GPATCH8: variants seen among roughly 807,000 people sequenced by gnomAD.
GPATCH8 encodes G patch domain-containing protein 8.
GPATCH8 carries 18 observed loss-of-function variants against 118.3 expected under a neutral mutation model. That is an observed-to-expected ratio of 0.15 (90% CI 0.11 to 0.23). The LOEUF (loss-of-function observed/expected upper bound fraction) is 0.23. Ranked by LOEUF, GPATCH8 falls within the 10% of genes least tolerant of loss-of-function variation. GPATCH8 has a pLI of 1.00. For synonymous variants in GPATCH8, 659 were observed against 684.7 expected (o/e 0.96, Z 0.59); for missense variants, 1,631 against 1,873.8 (o/e 0.87, Z 2.39).
chr17:44,427,510 T>C (rs146730553), intron 5 of GPATCH8, among the ~76,000 whole-genome samples: 6 of 152,222 alleles, frequency 3.9e-5, no homozygotes, highest in African/African-American at 1.4e-4. Context: ...AGTATATACA[T>C]ATAACTGTAA....
intron 1 of GPATCH8, among the ~76,000 whole-genome samples, chr17:44,499,114 G>A (rs190223256): frequency 2.0e-5 from 3 of 152,246 alleles, no homozygotes; most frequent in Admixed American, 2.0e-4. Flanking sequence ...AGCATGTCTT[G>A]TTTCTCTTAT....
intron 2 of GPATCH8, among the ~76,000 whole-genome samples, chr17:44,468,373 CTTTTTTTT>C (rs869068538): frequency 8.0e-5 from 8 of 100,010 alleles, no homozygotes; most frequent in African/African-American, 2.2e-4. Flanking sequence ...TTCTTTGTTC[CTTTTTTTT>C]TTTTTTTTTT....
At chr17:44,429,887 G>T (rs1203223192) in intron 5 of GPATCH8, among the ~76,000 whole-genome samples, 1 of 143,962 alleles carries the variant, frequency 6.9e-6, no homozygotes, top group Non-Finnish European at 1.5e-5. Context: ...AAATTAGCTG[G>T]ACGTGGTGGC....
At chr17:44,487,107 T>C (rs1003834221) in intron 1 of GPATCH8, among the ~76,000 whole-genome samples, 13 of 152,226 alleles carry the variant, frequency 8.5e-5, no homozygotes, top group South Asian at 6.2e-4. Context: ...TATAGTATCA[T>C]AGAGAATAAT....
chr17:44,401,233 C>T lies in GPATCH8; in HGVS notation c.844G>A (p.Gly282Ser), dbSNP rs747969535. The change falls in exon 8 of 8, where the codon GGC becomes AGC. Residue 282 changes from glycine to serine, a missense_variant. Physicochemically the swap from Gly to Ser is moderately conservative, Grantham distance 56. Around this residue, in one of 8 missense-constraint regions of GPATCH8, gnomAD observed 405 missense variants for 462.7 expected, o/e 0.88. Transcript: ENST00000591680. ...LAQAPGLASQGISFGIKNNLG... is the reference protein window; with the variant it reads ...LAQAPGLASQSISFGIKNNLG... ...TTATTCTTAATGCCAAAGCTGATGC[C>T]TTGGGAGGCTAACCCAGGAGCCTGG... is the stretch of plus-strand genomic sequence containing the variant. 1 of 1,613,448 alleles carries T rather than the reference C, an allele frequency of 6.2e-7. No individual in the cohort carries two copies. The highest frequency in any genetic ancestry group is 1.1e-5 in the South Asian group (1 of 91,066).
chr17:44,467,240 A>G (rs1053913556), intron 2 of GPATCH8: 14 of 369,812 alleles, frequency 3.8e-5, no homozygotes, highest in African/African-American at 1.7e-4. Context: ...GAGTGAAAGC[A>G]TAAGTAAATT....
At chr17:44,482,271 CG>C (rs1439766929) in intron 1 of GPATCH8, among the ~76,000 whole-genome samples, 3 of 151,754 alleles carry the variant, frequency 2.0e-5, no homozygotes, top group Non-Finnish European at 4.4e-5. Flanking sequence ...CTAATGCGTA[CG>C]GGACTTAAAA....
chr17:44,421,201 C>T (rs567280114), intron 6 of GPATCH8, among the ~76,000 whole-genome samples: 12 of 151,326 alleles, frequency 7.9e-5, no homozygotes, highest in East Asian at 4.0e-4. Context: ...ATTAGCCGGG[C>T]GTGGTGGCGC....
intron 1 of GPATCH8, chr17:44,486,863 T>C (rs2144443504): frequency 6.6e-6 from 1 of 152,364 alleles, no homozygotes; most frequent in East Asian, 1.9e-4. Flanking sequence ...TTATTAACTT[T>C]TGTGATTACT....
chr17:44,399,162 C>A lies in GPATCH8; in HGVS notation c.2915G>T (p.Arg972Leu). The change falls in exon 8 of 8, where the codon CGG (arginine) becomes CTG (leucine). Residue 972 changes from arginine (R) to leucine (L), a missense_variant. By Grantham distance (102) the Arg-to-Leu change is moderately radical. This residue lies in a region of GPATCH8 where 922 missense variants were observed against 879.7 expected (regional missense o/e 1.05). Coordinates refer to ENST00000591680, the MANE Select transcript of GPATCH8 (RefSeq NM_001002909.4). ...GTGGGCTGTGGTGCTACGGCTTCTC[C>A]GCTTGCTTCGACTACGACTACAACT... is the stretch of plus-strand genomic sequence containing the variant. ...SSSCSRSRSK[R>L]RSRSTTAHSW... The A allele has an allele frequency of 6.2e-7, 1 of 1,610,442 alleles. No individual in the cohort carries two copies. The highest frequency in any genetic ancestry group is 8.5e-7 in the Non-Finnish European group (1 of 1,176,948).
intron 3 of GPATCH8, among the ~76,000 whole-genome samples, chr17:44,437,769 A>G (rs1320202556): frequency 6.6e-6 from 1 of 152,060 alleles, no homozygotes; most frequent in Admixed American, 6.6e-5. Flanking sequence ...CGGTGGCTCT[A>G]TATTTGTGGA....
At chr17:44,490,860 G>A (rs765732242) in intron 1 of GPATCH8, among the ~76,000 whole-genome samples, 4 of 152,066 alleles carry the variant, frequency 2.6e-5, no homozygotes, top group African/African-American at 4.8e-5. Context: ...TCCAAACACA[G>A]GACAAATGTG....
intron 7 of GPATCH8, among the ~76,000 whole-genome samples, chr17:44,403,691 C>CTTT (rs35050888): frequency 6.9e-6 from 1 of 145,928 alleles, no homozygotes; most frequent in Non-Finnish European, 1.5e-5. Context: ...TGTAATCTCT[C>CTTT]TTTTTTTTTT....
At chr17:44,439,946 G>T (rs1316615289) in intron 3 of GPATCH8, among the ~76,000 whole-genome samples, 1 of 152,012 alleles carries the variant, frequency 6.6e-6, no homozygotes, top group Non-Finnish European at 1.5e-5. Flanking sequence ...ACCGTGCCCG[G>T]CTAATTCTGT....
At chr17:44,468,465 G>A (rs551562311) in intron 2 of GPATCH8, among the ~76,000 whole-genome samples, 118 of 127,664 alleles carry the variant, frequency 9.2e-4, no homozygotes, top group African/African-American at 3.5e-3. Flanking sequence ...ACAGCTCACC[G>A]CATCCTTGAC....
At chr17:44,500,258 G>A (rs1346873860) in intron 1 of GPATCH8, among the ~76,000 whole-genome samples, 1 of 152,188 alleles carries the variant, frequency 6.6e-6, no homozygotes, top group Non-Finnish European at 1.5e-5. Context: ...ACAGATGTAT[G>A]TAATTGGCTA....
At chr17:44,478,555 A>T (rs1967952883) in intron 1 of GPATCH8, among the ~76,000 whole-genome samples, 2 of 151,862 alleles carry the variant, frequency 1.3e-5, no homozygotes, top group African/African-American at 4.8e-5. Context: ...CCTAGCTACT[A>T]GGGAGGCTGA....
intron 6 of GPATCH8, among the ~76,000 whole-genome samples, chr17:44,412,846 T>C (rs546130168): frequency 1.3e-5 from 2 of 152,264 alleles, no homozygotes; most frequent in East Asian, 1.9e-4. Flanking sequence ...CTGTTTTTTT[T>C]CCCCCTCCCT....
At chr17:44,456,744 G>T (rs774402573) in intron 3 of GPATCH8, among the ~76,000 whole-genome samples, 6 of 152,102 alleles carry the variant, frequency 3.9e-5, no homozygotes, top group Non-Finnish European at 7.4e-5. Context: ...AAACAAGACT[G>T]GGAAGGAGGT....
Sources: allele counts gnomAD v4.1 joint callset (sites outside exome capture counted in the v4.1 genomes callset), GRCh38; gene constraint gnomAD v4.1.1; regional missense constraint gnomAD v4.1.1; transcripts MANE v1.5; gene names NCBI Gene and HGNC (gene_info 2026-07-23, HGNC 2026-07-21).